Variants in MUSK observed in about 807,000 individuals in gnomAD.
The protein encoded by MUSK is muscle associated receptor tyrosine kinase.
Under a neutral mutation model 88.7 loss-of-function variants are expected in MUSK, and 55 were observed. The ratio of observed to expected loss-of-function variants is 0.62; its 90% confidence interval spans 0.50 to 0.78. The LOEUF (loss-of-function observed/expected upper bound fraction) is 0.78. MUSK is among the 30% of genes least tolerant of loss of function. The probability of loss-of-function intolerance (pLI) is 0.00; values close to 1 mark genes in which losing one functional copy is unlikely to be tolerated. For missense variants in MUSK, 1,015 were observed against 1,074.3 expected, an observed-to-expected ratio of 0.94 and a Z score of 0.77; for synonymous variants, 387 against 391.9, an observed-to-expected ratio of 0.99 and a Z score of 0.15.
chr9:110,719,146 A>G (rs189821239), intron 5 of MUSK, among the ~76,000 whole-genome samples: 14 of 152,198 alleles, frequency 9.2e-5, no homozygotes, highest in Admixed American at 6.5e-4. Flanking sequence ...CAGGACCTAT[A>G]TAACAGTAAC....
chr9:110,720,812 A>G (rs1165171423), intron 5 of MUSK, among the ~76,000 whole-genome samples: 1 of 152,014 alleles, frequency 6.6e-6, no homozygotes, highest in Non-Finnish European at 1.5e-5. Context: ...AGACCAATAC[A>G]CCTGATGAAC....
At position 110,700,090 on chromosome 9, in the gene MUSK, G is replaced by A. The variant is rs549669795; in HGVS notation, c.628+2624G>A. Among the ~76,000 whole-genome samples, 280 of 152,284 alleles carry A rather than the reference G, an allele frequency of 1.8e-3. 1 individual carries two copies. The highest frequency in any genetic ancestry group is 6.4e-3 in the African/African-American group (268 of 41,570). ...CTATACTTTGGTCTTGCCTTAAAAT[G>A]TTCAAACGGTGACATACATAATTAT... On this transcript the variant is annotated intron_variant, in intron 5 of 14. Coordinates refer to ENST00000374448, the MANE Select transcript of MUSK (RefSeq NM_005592.4).
chr9:110,775,460 A>T (rs920542961), intron 9 of MUSK: 2 of 328,182 alleles, frequency 6.1e-6, no homozygotes, highest in Admixed American at 4.4e-5. Context: ...TTTTTCCTCT[A>T]CCTGTGTTGT....
intron 7 of MUSK, among the ~76,000 whole-genome samples, chr9:110,760,594 A>G (rs1014104558): frequency 1.4e-5 from 2 of 146,468 alleles, no homozygotes; most frequent in East Asian, 3.9e-4. Flanking sequence ...GAGGATTAGG[A>G]AAAAAAAAAA....
intron 13 of MUSK, 46 bp from the exon 14 acceptor site, chr9:110,787,644 G>A: frequency 6.3e-7 from 1 of 1,586,292 alleles, no homozygotes; most frequent in Middle Eastern, 1.7e-4. Flanking sequence ...ATAAAGATAT[G>A]ATGTCCATGA....
intron 7 of MUSK, among the ~76,000 whole-genome samples, chr9:110,759,319 C>T (rs2077367923): frequency 6.6e-6 from 1 of 152,076 alleles, no homozygotes; most frequent in Non-Finnish European, 1.5e-5. Context: ...ACACCATATA[C>T]AAAAATCAAC....
chr9:110,745,836 G>A (rs2077169236), intron 6 of MUSK, among the ~76,000 whole-genome samples: 1 of 152,192 alleles, frequency 6.6e-6, no homozygotes, highest in Non-Finnish European at 1.5e-5. Flanking sequence ...TTTATCATAA[G>A]AATTGAGACT....
chr9:110,755,241 CCTT>C (rs1214554049), intron 7 of MUSK, among the ~76,000 whole-genome samples: 1 of 152,090 alleles, frequency 6.6e-6, no homozygotes, highest in African/African-American at 2.4e-5. Flanking sequence ...AAGGATGTGG[CCTT>C]CTGTCCCTAA....
At chr9:110,736,728 T>C (rs535680847) in intron 6 of MUSK, among the ~76,000 whole-genome samples, 2 of 152,232 alleles carry the variant, frequency 1.3e-5, no homozygotes, top group East Asian at 3.9e-4. Flanking sequence ...CATTGTTTTG[T>C]ATAAAAATAT....
chr9:110,694,530 G>A (rs1245803079), intron 3 of MUSK, among the ~76,000 whole-genome samples: 3 of 151,734 alleles, frequency 2.0e-5, no homozygotes, highest in East Asian at 1.9e-4. Flanking sequence ...TATTTCATGC[G>A]TTCCTTTGTC....
At chr9:110,764,593 GATAGATAGA>G (rs2077447546) in intron 8 of MUSK, among the ~76,000 whole-genome samples, 1 of 147,282 alleles carries the variant, frequency 6.8e-6, no homozygotes, top group African/African-American at 2.5e-5. Context: ...TAGATAGATA[GATAGATAGA>G]TTAGATAGAT....
intron 11 of MUSK, among the ~76,000 whole-genome samples, chr9:110,778,791 C>T (rs566870918): frequency 7.2e-5 from 11 of 152,180 alleles, no homozygotes; most frequent in Middle Eastern, 3.4e-3. Context: ...TCCAAGACCT[C>T]ATGTGTAATA....
intron 8 of MUSK, among the ~76,000 whole-genome samples, chr9:110,763,234 T>C (rs2077427457): frequency 6.6e-6 from 1 of 152,108 alleles, no homozygotes; most frequent in Non-Finnish European, 1.5e-5. Flanking sequence ...TTTAAGTATA[T>C]AGGATAGTGA....
intron 5 of MUSK, among the ~76,000 whole-genome samples, chr9:110,722,396 GGTAC>G (rs2076825383): frequency 6.6e-6 from 1 of 152,010 alleles, no homozygotes; most frequent in South Asian, 2.1e-4. Flanking sequence ...TGGGTGTGGT[GGTAC>G]GTGCCTGTAG....
At chr9:110,670,752 A>C (rs2075946803) in intron 1 of MUSK, among the ~76,000 whole-genome samples, 1 of 152,164 alleles carries the variant, frequency 6.6e-6, no homozygotes, top group Admixed American at 6.5e-5. Context: ...AAATTTAAGC[A>C]ATTTTTTCTC....
intron 4 of MUSK, among the ~76,000 whole-genome samples, chr9:110,695,976 C>T (rs185786983): frequency 6.6e-6 from 1 of 152,206 alleles, no homozygotes; most frequent in African/African-American, 2.4e-5. Context: ...ACTCAAGACT[C>T]ATACACAAAT....
At chr9:110,757,510 G>T (rs990429445) in intron 7 of MUSK, among the ~76,000 whole-genome samples, 3 of 151,078 alleles carry the variant, frequency 2.0e-5, no homozygotes, top group Non-Finnish European at 3.0e-5. Flanking sequence ...AAATAATATG[G>T]CTGAGTATTT....
At chr9:110,697,881 T>G (rs933500102) in intron 5 of MUSK, among the ~76,000 whole-genome samples, 2 of 151,788 alleles carry the variant, frequency 1.3e-5, no homozygotes, top group Non-Finnish European at 2.9e-5. Flanking sequence ...AGTAGCTATT[T>G]TCAGATAGTG....
rs184948495 is a variant in MUSK, at chr9:110,687,388, G to A, written c.358+120G>A. 11,753 of 1,166,430 alleles carry A rather than the reference G, an allele frequency of 0.01. 67 individuals carry two copies. Among genetic ancestry groups the A allele is most frequent in the Middle Eastern group, 0.012 (40 of 3,298 alleles). The allele number at this position is 1,166,430 out of a possible 1,614,324, so 72.3% of individuals were successfully genotyped here. ...CTCACTCTGTTGCTCAGGCTGGAGT[G>A]CAGTGGCATGATCTCGGTTCACTGC... On this transcript the variant is annotated intron_variant, in intron 3 of 14. Transcript: ENST00000374448.
Sources: allele counts gnomAD v4.1 joint callset (sites outside exome capture counted in the v4.1 genomes callset), GRCh38; gene constraint gnomAD v4.1.1; transcripts MANE v1.5; gene names NCBI Gene and HGNC (gene_info 2026-07-23, HGNC 2026-07-21).